Variants in GLB1L observed in about 807,000 individuals in gnomAD.
GLB1L encodes galactosidase beta 1 like, also known as beta-galactosidase-1-like protein.
Under a neutral mutation model 75.7 loss-of-function variants are expected in GLB1L, and 58 were observed. The observed-to-expected ratio is 0.77, with a 90% confidence interval of 0.62 to 0.95. The LOEUF (loss-of-function observed/expected upper bound fraction) is 0.95. GLB1L is among the 40% of genes least tolerant of loss of function. The pLI is 0.00. For missense variants in GLB1L, 797 were observed against 805.5 expected, an observed-to-expected ratio of 0.99 and a Z score of 0.13; for synonymous variants, 296 against 303.0, an observed-to-expected ratio of 0.98 and a Z score of 0.24.
Position 219,239,401 on chromosome 2 carries a change from C to G in GLB1L, c.943+10G>C. On this transcript the variant is annotated intron_variant, in intron 10 of 16. Transcript: ENST00000295759. ...TCCCTGCTTCTATCCCAGGGACCAT[C>G]TGGACTCACCATTCCAATATCCAAA... 1 of 1,591,540 alleles carries G rather than the reference C, an allele frequency of 6.3e-7. No individual in the cohort carries two copies. Among genetic ancestry groups the G allele is most frequent in the East Asian group, 2.2e-5 (1 of 44,704 alleles).
In GLB1L at chr2:219,243,296, C is replaced by T. The variant is rs781764620; in HGVS notation, c.91G>A (p.Val31Ile). 3.7e-6 allele frequency: 6 copies of T among 1,601,162 alleles called. No individual in the cohort carries two copies. In the African/African-American group the frequency reaches 5.4e-5, roughly 14 times the overall value. The change falls in exon 3 of 17, where the codon GTA becomes ATA. Residue 31 changes from valine (V) to isoleucine (I), a missense_variant. Val to Ile is a conservative substitution (Grantham distance 29). Transcript: ENST00000295759. Reference sequence around the variant, plus strand: ...AACCGGTCATGACCCCTATCCACTACGAACGACCGAGTGTCTGCCTATAAA... The same window carrying T: ...AACCGGTCATGACCCCTATCCACTATGAACGACCGAGTGTCTGCCTATAAA... The part of the protein sequence containing the change: ...LLPQADTRSF[V>I]VDRGHDRFLL...
Position 219,237,351 on chromosome 2 carries a change from G to GAT in GLB1L, c.1690-5_1690-4insAT. ...ACCCATTGATCCAGACTTGGCCCTG[G>GAT]GGAATAGGGAGCAGGAAAGAGGGGA... On this transcript the variant is annotated splice_region_variant and splice_polypyrimidine_tract_variant and intron_variant, in intron 16 of 16. Transcript: ENST00000295759. The GAT allele has an allele frequency of 6.2e-7, 1 of 1,612,034 alleles. No homozygotes were observed. Among genetic ancestry groups the GAT allele is most frequent in the Admixed American group, 1.7e-5 (1 of 59,798 alleles).
In GLB1L at chr2:219,237,220, T is replaced by A; in HGVS notation, c.1817A>T (p.Glu606Val). The change falls in exon 17 of 17, where the codon GAA becomes GTA. Residue 606 changes from glutamate (E) to valine (V), a missense_variant. Coordinates refer to ENST00000295759, the MANE Select transcript of GLB1L (RefSeq NM_001286423.2). ...RGALNKITLL[E>V]LEDVPLQPQV... ...GGGCTGGAGAGGTACATCTTCTAGT[T>A]CCAGCAATGTAATTTTGTTGAGGGC... 1 of 1,614,212 alleles carries A rather than the reference T, an allele frequency of 6.2e-7. No individual in the cohort carries two copies. Among genetic ancestry groups the A allele is most frequent in the East Asian group, 2.2e-5 (1 of 44,884 alleles).
At chr2:219,242,138 C>T (rs1337759745) in intron 5 of GLB1L, among the ~76,000 whole-genome samples, 2 of 152,116 alleles carry the variant, frequency 1.3e-5, no homozygotes, top group Non-Finnish European at 2.9e-5. Flanking sequence ...CAGGTGCCCA[C>T]CACCTCGCCC....
At chr2:219,244,584 C>G (rs904117594) in intron 1 of GLB1L, among the ~76,000 whole-genome samples, 5 of 152,184 alleles carry the variant, frequency 3.3e-5, no homozygotes, top group Non-Finnish European at 5.9e-5. Context: ...CCCTGCCTGC[C>G]TCCGCAACAG....
Position 219,237,610 on chromosome 2 carries a change from A to G in GLB1L, c.1591T>C (p.Tyr531His). Residue 531 changes from tyrosine (Y) to histidine (H), a missense_variant, in exon 16 of 17, where the codon TAT becomes CAT. By Grantham distance (83) the Tyr-to-His change is moderately conservative (BLOSUM62 2). Transcript: ENST00000295759. ...WFPLQLPKWP[Y>H]PQAPSGPTFY... ...GTGGGGCCAGAAGGAGCTTGAGGAT[A>G]TGGCCATTTTGGCAACTGGAGGGGA... 1.9e-6 allele frequency: 3 copies of G among 1,614,172 alleles called. No homozygotes were observed. The highest frequency in any genetic ancestry group is 2.5e-6 in the Non-Finnish European group (3 of 1,180,018).
At chr2:219,242,694 G>T in intron 4 of GLB1L, 74 bp downstream of exon 4, 1 of 1,556,438 alleles carries the variant, frequency 6.4e-7, no homozygotes, top group South Asian at 1.1e-5. Context: ...GATGGCCCTA[G>T]AGTGTGGGCA....
At chr2:219,241,448 A>G (rs1188899768) in intron 5 of GLB1L, among the ~76,000 whole-genome samples, 34 of 137,356 alleles carry the variant, frequency 2.5e-4, no homozygotes, top group African/African-American at 7.8e-4. Flanking sequence ...GTGTGTATAT[A>G]TATATATATA....
Position 219,243,198 on chromosome 2 carries a change from C to T in GLB1L, c.189G>A (p.Trp63Ter). ...LHYFRVPRVL[W>*]ADRLLKMRWS... ...ATCGCATCTTCAAAAGCCGGTCGGC[C>T]CAAAGCACCCGCGGTACCCGAAAGT... is the stretch of plus-strand genomic sequence containing the variant. The change falls in exon 3 of 17, where the codon TGG becomes TGA. Residue 63 changes from tryptophan (W) to a stop codon, truncating the protein, a stop_gained. Coordinates refer to ENST00000295759, the MANE Select transcript of GLB1L (RefSeq NM_001286423.2). LOFTEE classifies it high-confidence loss of function. 9 of 1,614,034 alleles carry T rather than the reference C, an allele frequency of 5.6e-6. No individual in the cohort carries two copies. Among genetic ancestry groups the T allele is most frequent in the Non-Finnish European group, 7.6e-6 (9 of 1,179,946 alleles).
rs1173959977 is a variant in GLB1L, at chr2:219,240,238, T to C, written c.499A>G (p.Ile167Val). 1 of 1,614,216 alleles carries C rather than the reference T, an allele frequency of 6.2e-7. No homozygotes were observed. Among genetic ancestry groups the C allele is most frequent in the Non-Finnish European group, 8.5e-7 (1 of 1,180,038 alleles). Residue 167 changes from isoleucine to valine, a missense_variant, in exon 6 of 17, where the codon ATA becomes GTA. Physicochemically the swap from Ile to Val is conservative, Grantham distance 29. Transcript: ENST00000295759. ...DSWFKVLLPK[I>V]YPWLYHNGGN... is the part of the protein sequence containing the mutation. Reference sequence around the variant, plus strand: ...CCATTGTGATAAAGCCATGGATATATCTTGGGCAGCAAGACCTTGAACCAG... The same window carrying C: ...CCATTGTGATAAAGCCATGGATATACCTTGGGCAGCAAGACCTTGAACCAG...
At chr2:219,240,394 T>C in intron 5 of GLB1L, 109 bp from the exon 6 acceptor site, 1 of 875,214 alleles carries the variant, frequency 1.1e-6, no homozygotes, top group Non-Finnish European at 1.9e-6. Flanking sequence ...CTAAGCACCT[T>C]GTATATTTGC....
At chr2:219,241,283 G>A (rs986785281) in intron 5 of GLB1L, among the ~76,000 whole-genome samples, 4 of 151,400 alleles carry the variant, frequency 2.6e-5, no homozygotes, top group African/African-American at 9.7e-5. Flanking sequence ...GGAGGCTGAG[G>A]CAGGAGAATG....
chr2:219,237,799 G>GGAT, intron 15 of GLB1L, 27 bp downstream of exon 15: 1 of 1,613,584 alleles, frequency 6.2e-7, no homozygotes, highest in South Asian at 1.1e-5. Flanking sequence ...TCAAGCCCTG[G>GGAT]GATATAACTA....
chr2:219,238,972 G>T, intron 11 of GLB1L, 120 bp downstream of exon 11: 1 of 858,890 alleles, frequency 1.2e-6, no homozygotes, highest in Non-Finnish European at 1.9e-6. Context: ...TCAGTGGGAT[G>T]CTCAGAAGGC....
intron 1 of GLB1L, among the ~76,000 whole-genome samples, chr2:219,244,464 G>C (rs1951479243): frequency 6.6e-6 from 1 of 152,156 alleles, no homozygotes; most frequent in South Asian, 2.1e-4. Flanking sequence ...TGGAAGGGAG[G>C]AACCAGGTCA....
chr2:219,238,034 A>T (rs1574861997), intron 14 of GLB1L, 77 bp from the exon 15 acceptor site: 1 of 1,451,050 alleles, frequency 6.9e-7, no homozygotes, highest in East Asian at 2.3e-5. Flanking sequence ...ACACATTAGG[A>T]TACTTATTTG....
chr2:219,245,015 A>G (rs1201985478), intron 1 of GLB1L, among the ~76,000 whole-genome samples: 1 of 152,226 alleles, frequency 6.6e-6, no homozygotes. Context: ...CTAGCATGCT[A>G]TTAACACTCA....
chr2:219,244,014 G>GGGGTGA (rs1951466692), intron 1 of GLB1L: 1 of 136,208 alleles, frequency 7.3e-6, no homozygotes, highest in Admixed American at 7.2e-5. Context: ...GGTGGGGGTG[G>GGGGTGA]GGGTGGGGGT....
rs1951450170 is a variant in GLB1L, at chr2:219,243,514, TAGCGTCAGGCTGAGCGGCAGCAGC to T, written c.36_59del (p.Leu16_Pro23del). The T allele has an allele frequency of 6.2e-7, 1 of 1,614,204 alleles. No homozygotes were observed. Among genetic ancestry groups the T allele is most frequent in the East Asian group, 2.2e-5 (1 of 44,890 alleles). On this transcript the variant is annotated inframe_deletion, in exon 2 of 17. Transcript: ENST00000295759. Reference sequence around the variant, plus strand: ...CGTCTCATCTTACCTGGGGCAGCAGTAGCGTCAGGCTGAGCGGCAGCAGCAGGGAACGAAGGCAGGACAGCTTCT... The same window carrying T: ...CGTCTCATCTTACCTGGGGCAGCAGTAGGGAACGAAGGCAGGACAGCTTCT...
Sources: gnomAD v4.1 joint callset for allele counts (sites outside exome capture counted in the v4.1 genomes callset) on GRCh38, gnomAD v4.1.1 for gene constraint, MANE v1.5 for transcripts, NCBI Gene and HGNC (gene_info 2026-07-23, HGNC 2026-07-21) for gene names.